Variants in PET117 observed in about 807,000 individuals in gnomAD.
PET117 encodes protein PET117 homolog, mitochondrial.
In PET117, 10 loss-of-function variants were observed where a neutral mutation model predicts 9.2. The ratio of observed to expected loss-of-function variants is 1.09; its 90% CI spans 0.67 to 1.85. The LOEUF (loss-of-function observed/expected upper bound fraction) is 1.85. PET117 is among the 40% of genes most tolerant of loss of function. PET117 has a pLI of 0.00. For synonymous variants in PET117, 43 were observed against 37.1 expected (o/e 1.16, Z -0.57); for missense variants, 96 against 98.2 (o/e 0.98, Z 0.09).
At position 18,138,033 on chromosome 20, in the gene PET117, G is replaced by C. The variant is rs764354906; in HGVS notation, c.78G>C (p.Lys26Asn). The change falls in exon 1 of 2, where the codon AAG (lysine) becomes AAC (asparagine). Residue 26 changes from lysine to asparagine, a missense_variant. Coordinates refer to ENST00000432901, the MANE Select transcript of PET117 (RefSeq NM_001164811.2). The stretch of plus-strand genomic sequence containing the variant: ...CCACAGTGGCCGGCGTACATGTGAA[G>C]CAGCAGTGGGACCAGCAGGTCGGTG... ...TAATVAGVHV[K>N]QQWDQQRLRD... 6.7e-7 allele frequency: 1 copy of C among 1,494,412 alleles called. No homozygotes were observed. Among genetic ancestry groups the C allele is most frequent in the Non-Finnish European group, 8.9e-7 (1 of 1,128,762 alleles). The allele number at this position is 1,494,412 out of a possible 1,614,324, so 92.6% of individuals were successfully genotyped here.
chr20:18,138,251 T>A (rs530281341), intron 1 of PET117, 200 bp downstream of exon 1: 53 of 1,236,844 alleles, frequency 4.3e-5, no homozygotes, highest in Admixed American at 8.7e-5. Flanking sequence ...CCGGCGGGCG[T>A]GTGCAGCCCG....
chr20:18,142,598 G>A lies in PET117; in HGVS notation c.*241G>A, dbSNP rs913731477. ...GTGATCCTGGTAGAAGCCCCATTAG[G>A]GTCACTGTCCAGTGCTTAGGGTTGT... is the stretch of plus-strand genomic sequence containing the variant. On this transcript the variant is annotated 3_prime_UTR_variant, in exon 2 of 2. Coordinates refer to ENST00000432901, the MANE Select transcript of PET117 (RefSeq NM_001164811.2). 2 of 1,597,852 alleles carry A rather than the reference G, an allele frequency of 1.3e-6. No homozygotes were observed. The highest frequency in any genetic ancestry group is 1.1e-5 in the South Asian group (1 of 88,630).
At chr20:18,141,653 G>A (rs2037586533) in intron 1 of PET117, among the ~76,000 whole-genome samples, 1 of 152,200 alleles carries the variant, frequency 6.6e-6, no homozygotes, top group Non-Finnish European at 1.5e-5. Context: ...GGAGGCTGAG[G>A]CAGGTGGATT....
At chr20:18,140,837 C>A (rs75590485) in intron 1 of PET117, among the ~76,000 whole-genome samples, 44,043 of 124,764 alleles carry the variant, frequency 0.35, 8,514 homozygotes, top group East Asian at 0.51. Context: ...AAAAAAAAAA[C>A]CAATAAAACA....
chr20:18,141,922 G>GT (rs201293392), intron 1 of PET117, among the ~76,000 whole-genome samples: 71 of 149,834 alleles, frequency 4.7e-4, no homozygotes, highest in Admixed American at 1.7e-3. Flanking sequence ...CATAGTGCCA[G>GT]TTTTTTTTTT....
chr20:18,142,326 T>C lies in PET117; in HGVS notation c.215T>C (p.Met72Thr). The C allele has an allele frequency of 6.5e-7, 1 of 1,536,794 alleles. No individual in the cohort carries two copies. Among genetic ancestry groups the C allele is most frequent in the South Asian group, 1.2e-5 (1 of 83,998 alleles). ...CAACTTGAAGCAGAAAGAGAGAAGATGTTATTGGCAAAAGGATCTCAAAAA... is the reference window on the plus strand; with the variant it reads ...CAACTTGAAGCAGAAAGAGAGAAGACGTTATTGGCAAAAGGATCTCAAAAA... Reference protein sequence around the residue: ...TEQLEAEREKMLLAKGSQKS With the variant: ...TEQLEAEREKTLLAKGSQKS The change falls in exon 2 of 2, where the codon ATG (methionine) becomes ACG (threonine). Residue 72 changes from methionine to threonine, a missense_variant. Physicochemically the swap from Met to Thr is moderately conservative, Grantham distance 81. Coordinates refer to ENST00000432901, the MANE Select transcript of PET117 (RefSeq NM_001164811.2).
intron 1 of PET117, 108 bp downstream of exon 1, chr20:18,138,159 C>G (rs1321312183): frequency 2.4e-5 from 32 of 1,337,316 alleles, no homozygotes; most frequent in Non-Finnish European, 2.9e-5. Context: ...GTGTCTTTCC[C>G]CCGCGGTGGC....
chr20:18,138,135 C>T (rs913233441), intron 1 of PET117, 84 bp downstream of exon 1: 10 of 1,361,960 alleles, frequency 7.3e-6, no homozygotes, highest in African/African-American at 1.5e-5. Context: ...CGCTCGGTTC[C>T]TCAGCTCCTC....
At chr20:18,138,260 C>T in intron 1 of PET117, 6 of 1,233,382 alleles carry the variant, frequency 4.9e-6, no homozygotes, top group Non-Finnish European at 6.1e-6. Context: ...GTGTGCAGCC[C>T]GCAGATTCAG....
Position 18,142,680 on chromosome 20 carries a change from T to C in PET117, c.*323T>C. On this transcript the variant is annotated 3_prime_UTR_variant, in exon 2 of 2. Transcript: ENST00000432901. ...GAAGGGATGGATAGTAGCATCCACC[T>C]GAGTAGTCTGATCAGTCGGCATGAT... 6.2e-7 allele frequency: 1 copy of C among 1,614,178 alleles called. No individual in the cohort carries two copies. Among genetic ancestry groups the C allele is most frequent in the Non-Finnish European group, 8.5e-7 (1 of 1,180,042 alleles).
chr20:18,141,161 A>G (rs2037560043), intron 1 of PET117, among the ~76,000 whole-genome samples: 1 of 151,038 alleles, frequency 6.6e-6, no homozygotes, highest in African/African-American at 2.4e-5. Flanking sequence ...CTGGGATTAC[A>G]GGAGTGAGCC....
rs1345652869 is a variant in PET117, at chr20:18,142,950, C to T, written c.*593C>T. Reference sequence around the variant, plus strand: ...GAGCTTCTCAATTCCTTTGATTTGTCAATTCCTGTGTGAAGGTTTGTTTTT... The same window carrying T: ...GAGCTTCTCAATTCCTTTGATTTGTTAATTCCTGTGTGAAGGTTTGTTTTT... On this transcript the variant is annotated 3_prime_UTR_variant, in exon 2 of 2. Transcript: ENST00000432901. 1.2e-6 allele frequency: 2 copies of T among 1,604,576 alleles called. No homozygotes were observed. Among genetic ancestry groups the T allele is most frequent in the Non-Finnish European group, 1.7e-6 (2 of 1,172,314 alleles).
intron 1 of PET117, among the ~76,000 whole-genome samples, chr20:18,138,959 T>G (rs574719588): frequency 1.3e-5 from 2 of 152,276 alleles, no homozygotes; most frequent in South Asian, 4.1e-4. Context: ...TGGCAGTGAT[T>G]GGGGTTGAAC....
chr20:18,142,726 G>C lies in PET117; in HGVS notation c.*369G>C. On this transcript the variant is annotated 3_prime_UTR_variant, in exon 2 of 2. Coordinates refer to ENST00000432901, the MANE Select transcript of PET117 (RefSeq NM_001164811.2). Reference sequence around the variant, plus strand: ...ATGATGACGAAGCCACGAGAACATCGACCTCAGAAGGACTGGAGGAAGGTG... The same window carrying C: ...ATGATGACGAAGCCACGAGAACATCCACCTCAGAAGGACTGGAGGAAGGTG... 1 of 1,614,152 alleles carries C rather than the reference G, an allele frequency of 6.2e-7. No homozygotes were observed. Among genetic ancestry groups the C allele is most frequent in the Non-Finnish European group, 8.5e-7 (1 of 1,180,038 alleles).
At chr20:18,138,981 A>C (rs2037414762) in intron 1 of PET117, among the ~76,000 whole-genome samples, 1 of 151,940 alleles carries the variant, frequency 6.6e-6, no homozygotes, top group Non-Finnish European at 1.5e-5. Flanking sequence ...TAGTTCACCA[A>C]GGGTGAAAAT....
At position 18,142,544 on chromosome 20, in the gene PET117, G is replaced by A; in HGVS notation, c.*187G>A. ...CTTATATCTGAATAAAGGAGTGTGG[G>A]CAGACACTTTTTGGAAGAGTCTGTC... On this transcript the variant is annotated 3_prime_UTR_variant, in exon 2 of 2. Coordinates refer to ENST00000432901, the MANE Select transcript of PET117 (RefSeq NM_001164811.2). 6.6e-7 allele frequency: 1 copy of A among 1,506,402 alleles called. No individual in the cohort carries two copies. Among genetic ancestry groups the A allele is most frequent in the South Asian group, 1.3e-5 (1 of 74,854 alleles). The allele number at this position is 1,506,402 out of a possible 1,614,324, so 93.3% of individuals were successfully genotyped here. A position where few individuals can be genotyped will look rare whatever the true frequency, so the allele number is the denominator to read the frequency against.
At chr20:18,138,161 C>G (rs2037369235) in intron 1 of PET117, 110 bp downstream of exon 1, 4 of 1,335,598 alleles carry the variant, frequency 3.0e-6, no homozygotes, top group Non-Finnish European at 3.8e-6. Context: ...GTCTTTCCCC[C>G]GCGGTGGCGC....
intron 1 of PET117, among the ~76,000 whole-genome samples, chr20:18,140,201 G>T (rs184037310): frequency 6.6e-6 from 1 of 152,184 alleles, no homozygotes; most frequent in East Asian, 1.9e-4. Context: ...GTATCGGTGT[G>T]TCATGGTGTA....
At chr20:18,138,166 T>G in intron 1 of PET117, 115 bp downstream of exon 1, 29 of 1,322,356 alleles carry the variant, frequency 2.2e-5, no homozygotes, top group East Asian at 9.9e-5. Flanking sequence ...TCCCCCGCGG[T>G]GGCGCGGCCC....
Sources: allele counts gnomAD v4.1 joint callset (sites outside exome capture counted in the v4.1 genomes callset), GRCh38; gene constraint gnomAD v4.1.1; transcripts MANE v1.5; gene names NCBI Gene and HGNC (gene_info 2026-07-23, HGNC 2026-07-21).